The following HIVEP3 variants were observed in gnomAD, a reference collection of about 807,000 sequenced individuals.
The protein encoded by HIVEP3 is HIVEP zinc finger 3, also known as transcription factor HIVEP3.
HIVEP3 carries 49 observed loss-of-function variants against 152.8 expected under a neutral mutation model. That is an observed-to-expected ratio of 0.32 (90% CI 0.26 to 0.41). HIVEP3 has a LOEUF of 0.41. Among genes scored for constraint, HIVEP3 ranks in the 10% least tolerant of loss-of-function variants. The pLI is 1.00. For synonymous variants in HIVEP3, 1,269 were observed against 1,289.0 expected (o/e 0.98, Z 0.33); for missense variants, 2,790 against 3,103.3 (o/e 0.90, Z 2.40).
At chr1:41,604,621 GC>G in intron 3 of HIVEP3, among the ~76,000 whole-genome samples, 1 of 152,258 alleles carries the variant, frequency 6.6e-6, no homozygotes, top group Non-Finnish European at 1.5e-5. Context: ...CAGCAAGAAG[GC>G]CCTCACCAGA....
At chr1:41,615,153 T>A (rs1427616512) in intron 3 of HIVEP3, among the ~76,000 whole-genome samples, 1 of 152,248 alleles carries the variant, frequency 6.6e-6, no homozygotes, top group East Asian at 1.9e-4. Flanking sequence ...TGACTTGAAT[T>A]GGACTTGTTT....
chr1:41,634,942 A>G (rs899406594), intron 2 of HIVEP3, among the ~76,000 whole-genome samples: 1 of 152,226 alleles, frequency 6.6e-6, no homozygotes, highest in East Asian at 1.9e-4. Context: ...AGTAACCTCC[A>G]AAGAAGAATA....
intron 1 of HIVEP3, among the ~76,000 whole-genome samples, chr1:42,030,613 A>G (rs1408496202): frequency 6.6e-6 from 1 of 152,014 alleles, no homozygotes; most frequent in Non-Finnish European, 1.5e-5. Context: ...GCCTATTCTT[A>G]TTTCTCAGGC....
At chr1:41,697,182 T>A (rs1362216960) in intron 2 of HIVEP3, among the ~76,000 whole-genome samples, 2 of 152,174 alleles carry the variant, frequency 1.3e-5, no homozygotes, top group African/African-American at 4.8e-5. Context: ...TATTCCCACT[T>A]GATGGAGATG....
chr1:41,515,030 G>A (rs1642565227), intron 7 of HIVEP3, among the ~76,000 whole-genome samples: 1 of 152,174 alleles, frequency 6.6e-6, no homozygotes, highest in Admixed American at 6.5e-5. Context: ...GCTAACATCT[G>A]GCCTGTTCGC....
At position 41,700,571 on chromosome 1, in the gene HIVEP3, T is replaced by TC. The variant is rs202003277; in HGVS notation, c.-721+344dup. On this transcript the variant is annotated intron_variant, in intron 2 of 8. Transcript: ENST00000372583. ...CTTGAGCCCTGCTGGGTTCACCGAGTCCCACTCCCTCACTTTGCAGACAAG... is the reference window on the plus strand; with the variant it reads ...CTTGAGCCCTGCTGGGTTCACCGAGTCCCCACTCCCTCACTTTGCAGACAAG... 6.1e-3 allele frequency among the ~76,000 whole-genome samples: 931 copies of TC among 152,074 alleles called. 11 individuals are homozygous for TC. Among genetic ancestry groups the TC allele is most frequent in the African/African-American group, 0.022 (896 of 41,456 alleles).
chr1:41,627,965 T>C (rs1438970954), intron 3 of HIVEP3, among the ~76,000 whole-genome samples: 1 of 150,210 alleles, frequency 6.7e-6, no homozygotes, highest in African/African-American at 2.4e-5. Context: ...ATTCTGGCTC[T>C]CCACACCAGA....
intron 1 of HIVEP3, among the ~76,000 whole-genome samples, chr1:42,004,630 C>A (rs1336586699): frequency 6.6e-6 from 1 of 152,100 alleles, no homozygotes; most frequent in Non-Finnish European, 1.5e-5. Flanking sequence ...AGATATGTTC[C>A]CAAGCAAGTT....
chr1:41,811,813 C>T (rs527746583), intron 1 of HIVEP3, among the ~76,000 whole-genome samples: 4 of 152,178 alleles, frequency 2.6e-5, no homozygotes, highest in South Asian at 2.1e-4. Context: ...ATACGAAAAT[C>T]GCAGTTGCTG....
At chr1:41,812,351 C>T (rs999883213) in intron 1 of HIVEP3, among the ~76,000 whole-genome samples, 7 of 152,210 alleles carry the variant, frequency 4.6e-5, no homozygotes, top group East Asian at 3.9e-4. Context: ...GAGGGAGGAT[C>T]GCTTAGGGCC....
intron 1 of HIVEP3, among the ~76,000 whole-genome samples, chr1:41,869,050 A>T (rs931151866): frequency 1.3e-5 from 2 of 152,072 alleles, no homozygotes; most frequent in African/African-American, 4.8e-5. Flanking sequence ...CTGTGGATGT[A>T]TTTTTTCCCT....
At chr1:41,903,786 TA>T (rs11284471) in intron 1 of HIVEP3, among the ~76,000 whole-genome samples, 106,555 of 152,024 alleles carry the variant, frequency 0.7, 38,274 homozygotes, top group African/African-American at 0.87. Context: ...GCTTGCCTCT[TA>T]AAAGAGTATT....
At chr1:41,898,462 A>G (rs560811694) in intron 1 of HIVEP3, among the ~76,000 whole-genome samples, 15 of 152,346 alleles carry the variant, frequency 9.8e-5, no homozygotes, top group Non-Finnish European at 1.5e-4. Flanking sequence ...GCAAAGGCTC[A>G]TAACTTCTAT....
At chr1:42,033,321 G>C (rs1215498948) in intron 1 of HIVEP3, among the ~76,000 whole-genome samples, 2 of 151,994 alleles carry the variant, frequency 1.3e-5, no homozygotes. Flanking sequence ...TCTTTTAATT[G>C]TCTTTTTTTT....
chr1:41,787,454 C>T (rs528089114), intron 1 of HIVEP3, among the ~76,000 whole-genome samples: 3 of 152,274 alleles, frequency 2.0e-5, no homozygotes, highest in Middle Eastern at 6.8e-3. Flanking sequence ...TACTTACGCC[C>T]CTTCCATGCA....
intron 5 of HIVEP3, among the ~76,000 whole-genome samples, chr1:41,563,255 G>C (rs532709407): frequency 1.2e-4 from 19 of 152,180 alleles, no homozygotes; most frequent in African/African-American, 4.6e-4. Flanking sequence ...GCTGAGGCAG[G>C]AGAATTTCTT....
At chr1:41,634,972 G>T (rs1449931172) in intron 2 of HIVEP3, among the ~76,000 whole-genome samples, 1 of 152,156 alleles carries the variant, frequency 6.6e-6, no homozygotes, top group Non-Finnish European at 1.5e-5. Flanking sequence ...TGAAGATGTA[G>T]TTAGTAAGTT....
intron 1 of HIVEP3, among the ~76,000 whole-genome samples, chr1:42,034,699 T>C (rs1296379175): frequency 6.6e-6 from 1 of 152,200 alleles, no homozygotes; most frequent in Non-Finnish European, 1.5e-5. Context: ...AGCCAAGATT[T>C]TCTGCGCACG....
At chr1:42,031,502 TG>T (rs1645612725) in intron 1 of HIVEP3, among the ~76,000 whole-genome samples, 1 of 152,234 alleles carries the variant, frequency 6.6e-6, no homozygotes, top group Non-Finnish European at 1.5e-5. Flanking sequence ...TTCTTTGTTG[TG>T]GGGGCTGTCC....
Sources: allele counts gnomAD v4.1 joint callset (sites outside exome capture counted in the v4.1 genomes callset), GRCh38; gene constraint gnomAD v4.1.1; transcripts MANE v1.5; gene names NCBI Gene and HGNC (gene_info 2026-07-23, HGNC 2026-07-21).